The following SNTG2 variants were observed in gnomAD, a reference collection of about 807,000 sequenced individuals.
SNTG2 encodes the protein syntrophin gamma 2, also known as gamma-2-syntrophin.
In SNTG2, 74 loss-of-function variants were observed where a neutral mutation model predicts 70.9. That is an observed-to-expected ratio of 1.04 (90% confidence interval 0.86 to 1.27). SNTG2 has a LOEUF of 1.27. SNTG2 is among the 50% of genes most tolerant of loss of function. SNTG2 has a pLI of 0.00. For synonymous variants in SNTG2, 278 were observed against 273.8 expected, an observed-to-expected ratio of 1.02 and a Z score of -0.15; for missense variants, 717 against 690.7, an observed-to-expected ratio of 1.04 and a Z score of -0.43.
At chr2:1,216,071 G>A (rs61082360) in intron 9 of SNTG2, among the ~76,000 whole-genome samples, 24,263 of 152,114 alleles carry the variant, frequency 0.16, 3,564 homozygotes, top group African/African-American at 0.39. Flanking sequence ...TATATACCCA[G>A]TAATGGGATG....
intron 1 of SNTG2, among the ~76,000 whole-genome samples, chr2:952,258 C>A (rs574380861): frequency 1.4e-4 from 21 of 152,358 alleles, no homozygotes; most frequent in Admixed American, 2.6e-4. Context: ...GTAAAAACTG[C>A]AGGCGCTGTG....
intron 1 of SNTG2, among the ~76,000 whole-genome samples, chr2:1,014,515 G>A (rs1376802719): frequency 1.6e-4 from 13 of 79,820 alleles, no homozygotes; most frequent in Admixed American, 8.9e-4. Flanking sequence ...ATTTATATGG[G>A]CAGAAAGAAG....
In SNTG2 at chr2:1,097,374, T is replaced by A. The variant is rs1298604504; in HGVS notation, c.211-822T>A. On this transcript the variant is annotated intron_variant, in intron 2 of 16. Coordinates refer to ENST00000308624, the MANE Select transcript of SNTG2 (RefSeq NM_018968.4). This position sits in a 1 kb window ranked among gnomAD's most constrained non-coding sequence, Gnocchi z 4.1. ...GAGCCATTCAGCCTGAACATGCTCATGTTTCCTCTTAGAACTCAAAGAATG... is the reference window on the plus strand; with the variant it reads ...GAGCCATTCAGCCTGAACATGCTCAAGTTTCCTCTTAGAACTCAAAGAATG... 6.6e-6 allele frequency among the ~76,000 whole-genome samples: 1 copy of A among 152,210 alleles called. No individual in the cohort carries two copies. Among genetic ancestry groups the A allele is most frequent in the African/African-American group, 2.4e-5 (1 of 41,458 alleles).
chr2:1,103,389 T>TC (rs1362636874), intron 4 of SNTG2: 2 of 293,520 alleles, frequency 6.8e-6, no homozygotes, highest in Non-Finnish European at 1.4e-5. Context: ...CTTTTTTTTT[T>TC]TATTTTTTTT....
chr2:953,999 A>G (rs1442883862), intron 1 of SNTG2, among the ~76,000 whole-genome samples: 2 of 152,106 alleles, frequency 1.3e-5, no homozygotes, highest in East Asian at 1.9e-4. Flanking sequence ...GTGTGTTTGC[A>G]TCGCAGGCCT....
At chr2:1,124,880 G>A (rs4971465) in intron 4 of SNTG2, among the ~76,000 whole-genome samples, 72,083 of 151,910 alleles carry the variant, frequency 0.47, 18,123 homozygotes, top group East Asian at 0.66. Context: ...TGCTCAGCAT[G>A]AGGACTGAAG....
chr2:1,119,377 C>T lies in SNTG2; in HGVS notation c.326-18245C>T, dbSNP rs536658790. On this transcript the variant is annotated intron_variant, in intron 4 of 16. Transcript: ENST00000308624. ...GTAGAAGGAAGTACGTAGTCAAATT[C>T]AGCATAGTCCAGTGTCATCATGGTG... 5.9e-5 allele frequency among the ~76,000 whole-genome samples: 9 copies of T among 152,264 alleles called. 1 individual carries two copies. The South Asian group carries it at 1.7e-3, about 28-fold the overall frequency.
At chr2:1,031,957 T>G (rs1558326287) in intron 1 of SNTG2, among the ~76,000 whole-genome samples, 2 of 152,136 alleles carry the variant, frequency 1.3e-5, no homozygotes, top group African/African-American at 4.8e-5. Context: ...AAATTAGCAG[T>G]GATGGTTGCA....
rs1036523447 is a variant in SNTG2 at position 1,042,391 on chromosome 2, AG to A, written c.73-41125del. ...TTCTTTTCTTTCCAACTTTTGTTTT[AG>A]GTTCGGGGGTACACGTGCAGGTATG... On this transcript the variant is annotated intron_variant, in intron 1 of 16. Transcript: ENST00000308624. Among the ~76,000 whole-genome samples the A allele has an allele frequency of 3.6e-3, 553 of 152,084 alleles. 4 individuals are homozygous for A. Among genetic ancestry groups the A allele is most frequent in the African/African-American group, 0.013 (533 of 41,474 alleles).
chr2:1,038,101 G>A (rs932361237), intron 1 of SNTG2, among the ~76,000 whole-genome samples: 6 of 152,150 alleles, frequency 3.9e-5, no homozygotes, highest in Admixed American at 6.5e-5. Flanking sequence ...TTATGTATCC[G>A]TTGTCAAAAC....
intron 16 of SNTG2, among the ~76,000 whole-genome samples, chr2:1,364,520 G>T (rs75597575): frequency 0.72 from 108,221 of 150,162 alleles, 39,288 homozygotes; most frequent in East Asian, 0.94. Flanking sequence ...ACTTTGGGAG[G>T]CCGGTGCTGG....
chr2:1,325,148 G>A (rs1232214752), intron 16 of SNTG2, among the ~76,000 whole-genome samples: 1 of 152,126 alleles, frequency 6.6e-6, no homozygotes, highest in Non-Finnish European at 1.5e-5. Flanking sequence ...CATTATCAAA[G>A]CCTTGATAAA....
chr2:950,905 C>A lies in SNTG2; in HGVS notation c.-92C>A. ...GCCGGCAGAGGGGCGCGGGCGCGGACGCGGCGCCTGGCGGGGCCCTGGGAG... is the reference window on the plus strand; with the variant it reads ...GCCGGCAGAGGGGCGCGGGCGCGGAAGCGGCGCCTGGCGGGGCCCTGGGAG... On this transcript the variant is annotated 5_prime_UTR_variant, in exon 1 of 17. Coordinates refer to ENST00000308624, the MANE Select transcript of SNTG2 (RefSeq NM_018968.4). 2 of 552,250 alleles carry A rather than the reference C, an allele frequency of 3.6e-6. No homozygotes were observed. Among genetic ancestry groups the A allele is most frequent in the Non-Finnish European group, 5.1e-6 (2 of 392,958 alleles). 34.2% of individuals were successfully genotyped at this position (552,250 alleles called of 1,614,324 possible).
chr2:1,172,822 C>G (rs1034948805), intron 7 of SNTG2, among the ~76,000 whole-genome samples: 3 of 152,300 alleles, frequency 2.0e-5, no homozygotes, highest in Middle Eastern at 3.4e-3. Context: ...GCTGGGGGCA[C>G]ACCTTCCTGA....
rs759221630 is a variant in SNTG2 at position 1,259,446 on chromosome 2, G to A, written c.1077+5G>A. The A allele has an allele frequency of 5.2e-5, 84 of 1,612,640 alleles. No homozygotes were observed. Among genetic ancestry groups the A allele is most frequent in the Non-Finnish European group, 5.2e-5 (61 of 1,178,886 alleles). On this transcript the variant is annotated splice_donor_5th_base_variant and intron_variant, in intron 13 of 16. Transcript: ENST00000308624. Reference sequence around the variant, plus strand: ...GTGCTATTTAAAGTTCACAAGGTAGGTATCTTTTGCACTTCAGATGCTTTC... The same window carrying A: ...GTGCTATTTAAAGTTCACAAGGTAGATATCTTTTGCACTTCAGATGCTTTC...
chr2:1,183,104 G>A (rs1285509920), intron 8 of SNTG2, among the ~76,000 whole-genome samples: 1 of 152,088 alleles, frequency 6.6e-6, no homozygotes, highest in Non-Finnish European at 1.5e-5. Flanking sequence ...GCCTGTTTTT[G>A]AATTTCACAT....
chr2:1,315,800 A>C (rs62105562), intron 15 of SNTG2, among the ~76,000 whole-genome samples: 15,720 of 152,264 alleles, frequency 0.1, 943 homozygotes, highest in South Asian at 0.19. Context: ...GTCAGTCAGG[A>C]TTAAAGTTTT....
At chr2:1,057,016 C>T (rs1375284023) in intron 1 of SNTG2, among the ~76,000 whole-genome samples, 2 of 151,362 alleles carry the variant, frequency 1.3e-5, no homozygotes, top group Non-Finnish European at 2.9e-5. Flanking sequence ...GGCGGCGCAG[C>T]GCTGTGCTGC....
intron 1 of SNTG2, among the ~76,000 whole-genome samples, chr2:1,059,935 CT>C (rs1187475003): frequency 6.6e-6 from 1 of 151,802 alleles, no homozygotes; most frequent in African/African-American, 2.4e-5. Context: ...AAATATAGAG[CT>C]CAGAAATAGG....
Sources: allele counts gnomAD v4.1 joint callset (sites outside exome capture counted in the v4.1 genomes callset), GRCh38; gene constraint gnomAD v4.1.1; non-coding constraint Gnocchi (gnomAD v3.1); transcripts MANE v1.5; gene names NCBI Gene and HGNC (gene_info 2026-07-23, HGNC 2026-07-21).